USH2A: variants seen among roughly 807,000 people sequenced by gnomAD.
USH2A encodes the protein Usher syndrome 2A (autosomal recessive, mild).
A neutral mutation model predicts 538.9 loss-of-function variants in USH2A; 443 were observed. The observed-to-expected ratio is 0.82, with a 90% CI of 0.76 to 0.89. USH2A has a LOEUF of 0.89. Among genes scored for constraint, USH2A ranks in the 40% least tolerant of loss-of-function variants. USH2A has a pLI of 0.00. For synonymous variants in USH2A, 2,413 were observed against 2,273.5 expected, an observed-to-expected ratio of 1.06 and a Z score of -1.75; for missense variants, 6,633 against 6,324.8, an observed-to-expected ratio of 1.05 and a Z score of -1.65.
intron 21 of USH2A, among the ~76,000 whole-genome samples, chr1:216,169,073 T>C (rs1215535480): frequency 6.6e-6 from 1 of 152,126 alleles, no homozygotes; most frequent in Non-Finnish European, 1.5e-5. Flanking sequence ...AAACTGGCTC[T>C]GTCTAGGCAG....
intron 27 of USH2A, among the ~76,000 whole-genome samples, chr1:216,075,558 C>T (rs2031717335): frequency 1.3e-5 from 2 of 152,170 alleles, no homozygotes; most frequent in Non-Finnish European, 2.9e-5. Flanking sequence ...AGCCCTTCCT[C>T]TAGGGAAGGC....
chr1:216,073,594 C>T (rs909807602), intron 27 of USH2A, among the ~76,000 whole-genome samples: 1 of 152,108 alleles, frequency 6.6e-6, no homozygotes, highest in Non-Finnish European at 1.5e-5. Context: ...TTCTAAATTC[C>T]GCTTCTTCCC....
rs374536346 is a variant in USH2A at position 216,418,693 on chromosome 1, C to T, written c.486-14G>A. The T allele has an allele frequency of 9.9e-6, 16 of 1,612,330 alleles. No individual in the cohort carries two copies. In the Admixed American group the frequency reaches 1.0e-4, roughly 10 times the overall value. On this transcript the variant is annotated splice_polypyrimidine_tract_variant and intron_variant, in intron 2 of 71. Transcript: ENST00000307340. ...TCTATAACACACCTTAGGAAGCAACCGGAAAAGAGAGAAAAGGTCAGCATC... is the reference window on the plus strand; with the variant it reads ...TCTATAACACACCTTAGGAAGCAACTGGAAAAGAGAGAAAAGGTCAGCATC...
chr1:216,406,915 C>T (rs1415801366), intron 3 of USH2A, among the ~76,000 whole-genome samples: 1 of 152,142 alleles, frequency 6.6e-6, no homozygotes, highest in Non-Finnish European at 1.5e-5. Flanking sequence ...AAATTACCTA[C>T]TATACATCCA....
At chr1:215,769,642 T>G (rs959780911) in intron 55 of USH2A, among the ~76,000 whole-genome samples, 1 of 152,040 alleles carries the variant, frequency 6.6e-6, no homozygotes, top group South Asian at 2.1e-4. Context: ...TTAGATGGGA[T>G]AGGTTCACCT....
Position 216,199,554 on chromosome 1 carries a change from C to T in USH2A, c.3811+73G>A, listed in dbSNP as rs1002291864. The T allele has an allele frequency of 4.5e-5, 73 of 1,608,584 alleles. No homozygotes were observed. In the African/African-American group the frequency reaches 6.0e-4, roughly 13 times the overall value. ...AAAAAGGAATACAACTGCCAAATTC[C>T]TAATTGCACAATTACAATAGATTCT... On this transcript the variant is annotated intron_variant, in intron 17 of 71. Transcript: ENST00000307340.
intron 3 of USH2A, among the ~76,000 whole-genome samples, chr1:216,384,019 C>G (rs1350430311): frequency 2.0e-5 from 3 of 151,740 alleles, no homozygotes; most frequent in African/African-American, 7.2e-5. Flanking sequence ...AATTTTTAAA[C>G]TGTCATTTTA....
At chr1:215,990,478 G>T (rs990539343) in intron 35 of USH2A, among the ~76,000 whole-genome samples, 2 of 152,162 alleles carry the variant, frequency 1.3e-5, no homozygotes, top group Non-Finnish European at 2.9e-5. Flanking sequence ...ATTGTGTTAG[G>T]CTCTGCGGAG....
intron 15 of USH2A, 86 bp downstream of exon 15, chr1:216,217,301 G>C: frequency 6.4e-7 from 1 of 1,554,232 alleles, no homozygotes; most frequent in Non-Finnish European, 8.8e-7. Context: ...TTTCTGATGG[G>C]TTCTAAATGG....
intron 27 of USH2A, 95 bp from the exon 28 acceptor site, chr1:216,073,395 G>C (rs557268626): frequency 1.3e-5 from 18 of 1,339,938 alleles, no homozygotes; most frequent in Non-Finnish European, 1.8e-5. Flanking sequence ...TTGAGGAAGG[G>C]GGGTGGTTAG....
chr1:216,023,467 A>AAAAAAAAAAAAAAAAAAAAAAC, intron 32 of USH2A, among the ~76,000 whole-genome samples: 2 of 145,028 alleles, frequency 1.4e-5, no homozygotes, highest in Non-Finnish European at 3.1e-5. Context: ...GACAAAAAAA[A>AAAAAAAAAAAAAAAAAAAAAAC]AAAAAAAAAA....
chr1:216,251,249 A>T (rs560552171), intron 11 of USH2A, 151 bp from the exon 12 acceptor site: 15 of 746,010 alleles, frequency 2.0e-5, no homozygotes, highest in Admixed American at 4.3e-5. Context: ...GACACACAAC[A>T]TGGGAGGCTT....
At chr1:216,071,790 A>G (rs1301266035) in intron 29 of USH2A, among the ~76,000 whole-genome samples, 1 of 152,238 alleles carries the variant, frequency 6.6e-6, no homozygotes, top group African/African-American at 2.4e-5. Flanking sequence ...AGAACATGTC[A>G]GTAACAAGTG....
At chr1:215,879,738 G>A (rs970239082) in intron 41 of USH2A, among the ~76,000 whole-genome samples, 4 of 152,188 alleles carry the variant, frequency 2.6e-5, no homozygotes, top group Non-Finnish European at 5.9e-5. Flanking sequence ...ATGTGGACTT[G>A]AGCATCAGAA....
In USH2A at chr1:216,119,803, T is replaced by A. The variant is rs940894115; in HGVS notation, c.4628-22590A>T. ...AACCATTAACAGTGCCATCTGTTGG[T>A]AGCAGGCAATGTTGATATGCTTTCT... On this transcript the variant is annotated intron_variant, in intron 21 of 71. Coordinates refer to ENST00000307340, the MANE Select transcript of USH2A (RefSeq NM_206933.4). 1.1e-4 allele frequency among the ~76,000 whole-genome samples: 16 copies of A among 152,236 alleles called. No individual in the cohort carries two copies. In the East Asian group the frequency reaches 2.9e-3, roughly 28 times the overall value.
chr1:216,011,728 C>G (rs973508103), intron 32 of USH2A, among the ~76,000 whole-genome samples: 1 of 152,012 alleles, frequency 6.6e-6, no homozygotes, highest in Non-Finnish European at 1.5e-5. Flanking sequence ...TCATAATTTC[C>G]AAAATCTATT....
At chr1:216,046,740 T>G in intron 31 of USH2A, 148 bp from the exon 32 acceptor site, 1 of 917,902 alleles carries the variant, frequency 1.1e-6, no homozygotes, top group East Asian at 2.6e-5. Flanking sequence ...AGTAATTGCT[T>G]TAGGAACAGT....
chr1:216,196,801 CATTT>C, intron 18 of USH2A, 79 bp from the exon 19 acceptor site: 1 of 1,471,602 alleles, frequency 6.8e-7, no homozygotes, highest in Admixed American at 1.9e-5. Flanking sequence ...TTCACACATT[CATTT>C]AGTTTCTGAA....
chr1:216,337,395 C>A (rs755533808), intron 4 of USH2A, among the ~76,000 whole-genome samples: 1 of 150,818 alleles, frequency 6.6e-6, no homozygotes, highest in Non-Finnish European at 1.5e-5. Flanking sequence ...TTCTCAAGGA[C>A]ATTAAGAGAA....
Sources: gnomAD v4.1 joint callset for allele counts (sites outside exome capture counted in the v4.1 genomes callset) on GRCh38, gnomAD v4.1.1 for gene constraint, MANE v1.5 for transcripts, NCBI Gene and HGNC (gene_info 2026-07-23, HGNC 2026-07-21) for gene names.